The following SGCZ variants were observed in gnomAD, a reference collection of about 807,000 sequenced individuals.
The protein encoded by SGCZ is zeta-sarcoglycan.
A neutral mutation model predicts 41.3 loss-of-function variants in SGCZ; 40 were observed. The ratio of observed to expected loss-of-function variants is 0.97; its 90% CI spans 0.75 to 1.26. The LOEUF (loss-of-function observed/expected upper bound fraction) is 1.26. SGCZ is among the 50% of genes most tolerant of loss of function. The pLI is 0.00. For synonymous variants in SGCZ, 206 were observed against 137.5 expected, an observed-to-expected ratio of 1.50 and a Z score of -3.49; for missense variants, 552 against 369.8, an observed-to-expected ratio of 1.49 and a Z score of -4.04.
At chr8:14,915,347 A>T (rs888157757) in intron 1 of SGCZ, among the ~76,000 whole-genome samples, 1 of 152,218 alleles carries the variant, frequency 6.6e-6, no homozygotes, top group African/African-American at 2.4e-5. Context: ...GAAATCACTT[A>T]GGGAGAAAGT....
intron 4 of SGCZ, among the ~76,000 whole-genome samples, chr8:14,204,996 C>A (rs1378062484): frequency 6.6e-6 from 1 of 152,102 alleles, no homozygotes; most frequent in Non-Finnish European, 1.5e-5. Context: ...AACCTATATC[C>A]TCTCACCCAT....
intron 1 of SGCZ, among the ~76,000 whole-genome samples, chr8:15,047,596 T>TA (rs1410968868): frequency 6.6e-6 from 1 of 151,864 alleles, no homozygotes; most frequent in African/African-American, 2.4e-5. Context: ...AGAGAGAGAG[T>TA]ACAGGGATCT....
chr8:14,857,642 T>C (rs1232575527), intron 1 of SGCZ, among the ~76,000 whole-genome samples: 3 of 152,100 alleles, frequency 2.0e-5, no homozygotes, highest in Non-Finnish European at 2.9e-5. Context: ...GGCAGGTGGA[T>C]TGCTTGAGGT....
intron 2 of SGCZ, among the ~76,000 whole-genome samples, chr8:14,425,298 T>C (rs760428823): frequency 1.3e-5 from 2 of 152,292 alleles, no homozygotes; most frequent in South Asian, 4.1e-4. Context: ...ATACCACTTT[T>C]ATCTGTGCTG....
intron 1 of SGCZ, among the ~76,000 whole-genome samples, chr8:14,579,789 T>C (rs117981367): frequency 6.6e-6 from 1 of 152,190 alleles, no homozygotes; most frequent in Non-Finnish European, 1.5e-5. Context: ...TTTACGTTCA[T>C]AGGCATCATA....
chr8:14,955,471 T>G (rs1397109453), intron 1 of SGCZ, among the ~76,000 whole-genome samples: 1 of 152,186 alleles, frequency 6.6e-6, no homozygotes, highest in Non-Finnish European at 1.5e-5. Context: ...GATGTGCATT[T>G]CAACTTAAGT....
At chr8:14,101,886 TTTTGTTTG>T (rs577534887) in intron 7 of SGCZ, among the ~76,000 whole-genome samples, 106 of 151,642 alleles carry the variant, frequency 7.0e-4, no homozygotes, top group African/African-American at 8.9e-4. Flanking sequence ...AAATATGTAC[TTTTGTTTG>T]TTTGTTTGTT....
intron 2 of SGCZ, among the ~76,000 whole-genome samples, chr8:14,340,034 A>G (rs745967135): frequency 6.6e-6 from 1 of 152,178 alleles, no homozygotes; most frequent in Non-Finnish European, 1.5e-5. Flanking sequence ...GCTGACAAAC[A>G]GAATGACGTC....
chr8:14,283,131 G>C (rs1043427708), intron 3 of SGCZ, among the ~76,000 whole-genome samples: 1 of 151,944 alleles, frequency 6.6e-6, no homozygotes, highest in Non-Finnish European at 1.5e-5. Context: ...TTACAAGTGT[G>C]AGCCACTGTG....
At chr8:14,494,680 G>A (rs891653866) in intron 2 of SGCZ, among the ~76,000 whole-genome samples, 1 of 152,126 alleles carries the variant, frequency 6.6e-6, no homozygotes, top group Admixed American at 6.5e-5. Context: ...TAGCATTTGA[G>A]AAACAACGTT....
chr8:14,122,083 C>A (rs1268504618), intron 5 of SGCZ, among the ~76,000 whole-genome samples: 1 of 152,122 alleles, frequency 6.6e-6, no homozygotes, highest in African/African-American at 2.4e-5. Context: ...TCGAGACCAT[C>A]CTGCTAACAT....
chr8:14,763,301 T>C (rs533234715), intron 1 of SGCZ, among the ~76,000 whole-genome samples: 14 of 152,174 alleles, frequency 9.2e-5, no homozygotes, highest in Non-Finnish European at 1.9e-4. Flanking sequence ...AGCAGTTCAG[T>C]GTTTTTTCAT....
At position 14,773,263 on chromosome 8, in the gene SGCZ, T is replaced by A. The variant is rs561466261; in HGVS notation, c.40-218337A>T. ...GTCTGTTCATATCTTTCAAAGAACATAATGGACTTTTCAACGTGCCTTTAA... is the reference window on the plus strand; with the variant it reads ...GTCTGTTCATATCTTTCAAAGAACAAAATGGACTTTTCAACGTGCCTTTAA... On this transcript the variant is annotated intron_variant, in intron 1 of 7. Coordinates refer to ENST00000382080, the MANE Select transcript of SGCZ (RefSeq NM_139167.4). 3.9e-5 allele frequency among the ~76,000 whole-genome samples: 6 copies of A among 152,322 alleles called. No individual in the cohort carries two copies. In the South Asian group the frequency reaches 1.2e-3, roughly 32 times the overall value.
intron 1 of SGCZ, among the ~76,000 whole-genome samples, chr8:15,074,222 C>G (rs1041084020): frequency 1.3e-5 from 2 of 152,156 alleles, no homozygotes; most frequent in African/African-American, 4.8e-5. Context: ...GGAGCCTAAA[C>G]TTCTACTAAC....
chr8:14,427,500 C>A (rs1041078938), intron 2 of SGCZ, among the ~76,000 whole-genome samples: 1 of 152,108 alleles, frequency 6.6e-6, no homozygotes, highest in Non-Finnish European at 1.5e-5. Context: ...GGGGTTCCCA[C>A]TCCCCACTCG....
intron 1 of SGCZ, among the ~76,000 whole-genome samples, chr8:14,893,958 C>T: frequency 1.3e-5 from 2 of 152,108 alleles, no homozygotes; most frequent in East Asian, 3.9e-4. Flanking sequence ...AAATTCTATG[C>T]TGTTTGTAAC....
intron 1 of SGCZ, among the ~76,000 whole-genome samples, chr8:15,074,112 C>T (rs1019763921): frequency 2.0e-5 from 3 of 152,154 alleles, no homozygotes; most frequent in Admixed American, 2.0e-4. Flanking sequence ...AAAGAAGTTT[C>T]ACAACCCCCC....
At chr8:15,047,518 G>A (rs1006203344) in intron 1 of SGCZ, among the ~76,000 whole-genome samples, 1 of 152,018 alleles carries the variant, frequency 6.6e-6, no homozygotes, top group Non-Finnish European at 1.5e-5. Flanking sequence ...AAGAGATTAT[G>A]TGGACCTTTA....
At chr8:14,650,256 C>A (rs891386650) in intron 1 of SGCZ, among the ~76,000 whole-genome samples, 26 of 152,038 alleles carry the variant, frequency 1.7e-4, no homozygotes, top group African/African-American at 5.8e-4. Context: ...AAGTGAGAAG[C>A]ACCTGACTCC....
Sources: allele counts gnomAD v4.1 joint callset (sites outside exome capture counted in the v4.1 genomes callset), GRCh38; gene constraint gnomAD v4.1.1; transcripts MANE v1.5; gene names NCBI Gene and HGNC (gene_info 2026-07-23, HGNC 2026-07-21).